Variants in FEZ2 observed in about 807,000 individuals in gnomAD.
FEZ2 encodes fasciculation and elongation protein zeta 2, also known as fasciculation and elongation protein zeta-2.
FEZ2 carries 51 observed loss-of-function variants against 40.4 expected under a neutral mutation model. That is an observed-to-expected ratio of 1.26 (90% CI 1.01 to 1.59). The LOEUF (loss-of-function observed/expected upper bound fraction) is 1.59. FEZ2 is among the 40% of genes most tolerant of loss of function. The pLI is 0.00. For synonymous variants in FEZ2, 242 were observed against 172.0 expected (o/e 1.41, Z -3.18); for missense variants, 640 against 438.3 (o/e 1.46, Z -4.11).
intron 1 of FEZ2, among the ~76,000 whole-genome samples, chr2:36,592,359 A>G (rs569694994): frequency 4.9e-4 from 75 of 152,250 alleles, no homozygotes; most frequent in Non-Finnish European, 4.6e-4. Context: ...GATTTGCTGC[A>G]CCTATCAACC....
chr2:36,574,449 A>C (rs848623), intron 5 of FEZ2, among the ~76,000 whole-genome samples: 89,757 of 151,756 alleles, frequency 0.59, 27,112 homozygotes, highest in East Asian at 0.85. Context: ...ATTTCTTATC[A>C]TTAGGGACAT....
intron 2 of FEZ2, among the ~76,000 whole-genome samples, chr2:36,587,979 G>A (rs1053097940): frequency 2.6e-5 from 4 of 152,038 alleles, no homozygotes; most frequent in African/African-American, 9.7e-5. Context: ...GATGATAGGT[G>A]AATGATCACG....
chr2:36,581,464 T>C (rs1668746009), intron 3 of FEZ2, 33 bp from the exon 4 acceptor site: 2 of 1,602,414 alleles, frequency 1.2e-6, no homozygotes, highest in South Asian at 1.1e-5. Context: ...GTTAATCAAA[T>C]ATACAAAAGG....
chr2:36,588,940 T>C (rs1441205604), intron 2 of FEZ2, among the ~76,000 whole-genome samples: 1 of 152,224 alleles, frequency 6.6e-6, no homozygotes, highest in African/African-American at 2.4e-5. Context: ...GAAACTCTTC[T>C]ATGCTATTTT....
Position 36,558,514 on chromosome 2 carries a change from C to G in FEZ2, c.904-1G>C. ...CATAAGGAATGACTGTAGTCAAATA[C>G]TGCCAAGTTTAAAAAAAAAAAGTGT... On this transcript the variant is annotated splice_acceptor_variant, in intron 5 of 7. Transcript: ENST00000405912. LOFTEE classifies it high-confidence loss of function. 1 of 1,489,732 alleles carries G rather than the reference C, an allele frequency of 6.7e-7. No individual in the cohort carries two copies. Among genetic ancestry groups the G allele is most frequent in the Non-Finnish European group, 9.0e-7 (1 of 1,114,472 alleles). 92.3% of individuals were successfully genotyped at this position (1,489,732 alleles called of 1,614,324 possible). A position where few individuals can be genotyped will look rare whatever the true frequency, so the allele number is the denominator to read the frequency against.
At chr2:36,573,213 T>C (rs1159859941) in intron 5 of FEZ2, among the ~76,000 whole-genome samples, 1 of 152,216 alleles carries the variant, frequency 6.6e-6, no homozygotes, top group East Asian at 1.9e-4. Flanking sequence ...ACATGTGACA[T>C]TCAATTCAAA....
At chr2:36,567,390 T>C (rs1381993948) in intron 5 of FEZ2, among the ~76,000 whole-genome samples, 1 of 152,102 alleles carries the variant, frequency 6.6e-6, no homozygotes, top group Non-Finnish European at 1.5e-5. Flanking sequence ...GAATCTAGTC[T>C]AGGAAAGTAA....
chr2:36,570,838 T>C (rs1416040776), intron 5 of FEZ2, among the ~76,000 whole-genome samples: 1 of 152,204 alleles, frequency 6.6e-6, no homozygotes, highest in Non-Finnish European at 1.5e-5. Context: ...GACTCCATCA[T>C]CTATCTATAC....
At chr2:36,558,687 AT>A (rs142784384) in intron 5 of FEZ2, 174 bp from the exon 6 acceptor site, 881 of 388,102 alleles carry the variant, frequency 2.3e-3, no homozygotes, top group East Asian at 3.0e-3. Flanking sequence ...GATGGAGCTC[AT>A]TTTTTTTTGC....
At chr2:36,553,544 A>T (rs938544249) in intron 7 of FEZ2, among the ~76,000 whole-genome samples, 2 of 152,194 alleles carry the variant, frequency 1.3e-5, no homozygotes, top group Non-Finnish European at 2.9e-5. Context: ...CCTAACTAGC[A>T]GCACGGCAGC....
At chr2:36,560,585 G>A (rs1012709920) in intron 5 of FEZ2, among the ~76,000 whole-genome samples, 6 of 152,068 alleles carry the variant, frequency 3.9e-5, no homozygotes, top group Admixed American at 3.3e-4. Flanking sequence ...ATCTATTGTC[G>A]AATTTGAAAA....
intron 1 of FEZ2, 61 bp downstream of exon 1, chr2:36,597,814 CTG>C: frequency 9.1e-7 from 1 of 1,098,586 alleles, no homozygotes; most frequent in Non-Finnish European, 1.1e-6. Flanking sequence ...GGCCGTAGGG[CTG>C]CCGGTCGGGC....
chr2:36,568,381 A>G (rs917516901), intron 5 of FEZ2, among the ~76,000 whole-genome samples: 6 of 151,888 alleles, frequency 4.0e-5, no homozygotes, highest in African/African-American at 1.2e-4. Flanking sequence ...GAAAAGAAAA[A>G]ACAATTTGTT....
Position 36,597,917 on chromosome 2 carries a change from C to A in FEZ2, c.226G>T (p.Val76Leu). ...DPGAEPPRTA[V>L]RPITERSLLQ... ...AGGCTGCGCTCCGTGATGGGCCGCA[C>A]GGCCGTCCTCGGGGGCTCGGCGCCC... is the stretch of plus-strand genomic sequence containing the variant. Residue 76 changes from valine (V) to leucine (L), a missense_variant, in exon 1 of 8, where the codon GTG becomes TTG. By Grantham distance (32) the Val-to-Leu change is conservative. Coordinates refer to ENST00000405912, the MANE Select transcript of FEZ2 (RefSeq NM_005102.3). The A allele has an allele frequency of 7.0e-7, 1 of 1,421,186 alleles. No individual in the cohort carries two copies. Among genetic ancestry groups the A allele is most frequent in the Non-Finnish European group, 9.1e-7 (1 of 1,095,282 alleles). 88.0% of individuals were successfully genotyped at this position (1,421,186 alleles called of 1,614,324 possible). A position where few individuals can be genotyped will look rare whatever the true frequency, so the allele number is the denominator to read the frequency against.
chr2:36,588,120 C>T (rs984493948), intron 2 of FEZ2, among the ~76,000 whole-genome samples: 1 of 152,024 alleles, frequency 6.6e-6, no homozygotes, highest in Non-Finnish European at 1.5e-5. Context: ...CCTCTGCCTC[C>T]CAGGTTCAAG....
chr2:36,560,972 T>C (rs1406630488), intron 5 of FEZ2: 3 of 579,396 alleles, frequency 5.2e-6, no homozygotes, highest in Non-Finnish European at 9.0e-6. Flanking sequence ...GGCAAGCAGT[T>C]AGAAAATGCC....
At chr2:36,574,597 G>C (rs1002777450) in intron 5 of FEZ2, among the ~76,000 whole-genome samples, 2 of 151,920 alleles carry the variant, frequency 1.3e-5, no homozygotes, top group Admixed American at 1.3e-4. Flanking sequence ...ATCAAGGAAG[G>C]TTCTAAGAAA....
At chr2:36,594,271 T>A (rs1238303641) in intron 1 of FEZ2, 3 of 153,670 alleles carry the variant, frequency 2.0e-5, no homozygotes, top group African/African-American at 7.2e-5. Context: ...GTTCCCCAGT[T>A]CCAAAGTCAT....
intron 4 of FEZ2, among the ~76,000 whole-genome samples, chr2:36,580,091 T>A (rs1198772348): frequency 6.6e-6 from 1 of 152,218 alleles, no homozygotes; most frequent in African/African-American, 2.4e-5. Flanking sequence ...CATCTCAGAC[T>A]TCTGGCCTCC....
Sources: allele counts gnomAD v4.1 joint callset (sites outside exome capture counted in the v4.1 genomes callset), GRCh38; gene constraint gnomAD v4.1.1; transcripts MANE v1.5; gene names NCBI Gene and HGNC (gene_info 2026-07-23, HGNC 2026-07-21).